Variants in CSMD3 observed in about 807,000 individuals in gnomAD.
The protein encoded by CSMD3 is CUB and Sushi multiple domains 3.
In CSMD3, 177 loss-of-function variants were observed where a neutral mutation model predicts 435.2. The observed-to-expected ratio is 0.41, with a 90% CI of 0.36 to 0.46. The LOEUF (loss-of-function observed/expected upper bound fraction) is 0.46, where lower values mean the gene tolerates loss of function less well. Ranked by LOEUF, CSMD3 falls within the 20% of genes least tolerant of loss-of-function variation. The pLI is 0.34. For synonymous variants in CSMD3, 1,656 were observed against 1,520.5 expected (o/e 1.09, Z -2.07); for missense variants, 4,265 against 4,504.6 (o/e 0.95, Z 1.52).
At chr8:112,314,706 G>A (rs567448942) in intron 47 of CSMD3, 89 bp from the exon 48 acceptor site, 9 of 846,402 alleles carry the variant, frequency 1.1e-5, no homozygotes, top group Admixed American at 7.4e-5. Flanking sequence ...CTGCTTTCAT[G>A]TTCAATAGCT....
chr8:112,958,541 C>T (rs1003982836), intron 7 of CSMD3, among the ~76,000 whole-genome samples: 1 of 152,026 alleles, frequency 6.6e-6, no homozygotes, highest in Non-Finnish European at 1.5e-5. Context: ...TCCAGGTTGT[C>T]CGTTGTCTTC....
chr8:113,436,532 G>T (rs886082148), intron 1 of CSMD3, 145 bp downstream of exon 1: 1 of 824,464 alleles, frequency 1.2e-6, no homozygotes, highest in East Asian at 2.4e-5. Context: ...TATCTGAGGG[G>T]GGGAGAACGA....
intron 10 of CSMD3, among the ~76,000 whole-genome samples, chr8:112,885,596 G>A (rs937766725): frequency 6.6e-6 from 1 of 151,690 alleles, no homozygotes; most frequent in African/African-American, 2.4e-5. Flanking sequence ...TCTGAGGCCA[G>A]AGTCTAAGCT....
intron 3 of CSMD3, among the ~76,000 whole-genome samples, chr8:113,239,121 T>C (rs1466141170): frequency 3.3e-5 from 5 of 152,100 alleles, no homozygotes; most frequent in African/African-American, 4.8e-5. Context: ...ACGCTTTTCC[T>C]GCCTTTGGAC....
At chr8:112,714,074 A>G (rs2131934782) in intron 13 of CSMD3, among the ~76,000 whole-genome samples, 1 of 152,320 alleles carries the variant, frequency 6.6e-6, no homozygotes, top group South Asian at 2.1e-4. Flanking sequence ...ACATAATAAT[A>G]TTAACCTTAA....
At chr8:113,348,763 A>G (rs138488225) in intron 1 of CSMD3, among the ~76,000 whole-genome samples, 241 of 152,122 alleles carry the variant, frequency 1.6e-3, no homozygotes, top group African/African-American at 5.7e-3. Flanking sequence ...TATTTTTATT[A>G]GGGCTTAGAT....
chr8:113,154,941 C>T (rs1274155202), intron 4 of CSMD3, among the ~76,000 whole-genome samples: 3 of 151,968 alleles, frequency 2.0e-5, no homozygotes, highest in Non-Finnish European at 4.4e-5. Flanking sequence ...ATGATCAGGA[C>T]ATTTTCCTCA....
intron 5 of CSMD3, among the ~76,000 whole-genome samples, chr8:113,020,169 CAAAAAAAAAAA>C (rs1163891165): frequency 1.2e-4 from 10 of 84,636 alleles, no homozygotes; most frequent in Admixed American, 5.4e-4. Flanking sequence ...GACTCCGTCT[CAAAAAAAAAAA>C]AAAAAAAAAA....
chr8:112,947,041 A>T (rs1395755737), intron 9 of CSMD3, among the ~76,000 whole-genome samples: 1 of 151,698 alleles, frequency 6.6e-6, no homozygotes, highest in Admixed American at 6.6e-5. Flanking sequence ...ATTAGCATAA[A>T]TAATTGAAAA....
intron 1 of CSMD3, among the ~76,000 whole-genome samples, chr8:113,345,832 G>C (rs940702592): frequency 6.6e-6 from 1 of 152,062 alleles, no homozygotes; most frequent in Non-Finnish European, 1.5e-5. Context: ...AGGTTATACA[G>C]CTTTAAAATG....
intron 63 of CSMD3, among the ~76,000 whole-genome samples, chr8:112,252,551 G>C (rs1003659428): frequency 1.3e-5 from 2 of 151,548 alleles, no homozygotes; most frequent in African/African-American, 4.8e-5. Context: ...AATGGCTCAA[G>C]ATGCCTTTTG....
In CSMD3 at chr8:112,254,395, C is replaced by G. The variant is rs1320528787; in HGVS notation, c.10037-69G>C. 3 of 1,052,882 alleles carry G rather than the reference C, an allele frequency of 2.8e-6. No homozygotes were observed. The South Asian group carries it at 3.8e-5, about 13-fold the overall frequency. 65.2% of individuals were successfully genotyped at this position (1,052,882 alleles called of 1,614,324 possible). A position where few individuals can be genotyped will look rare whatever the true frequency, so the allele number is the denominator to read the frequency against. ...ATAGATATAGTTCTCTCACAGAAAACAATTTTAAATAATCTGGGGTTTGGT... is the reference window on the plus strand; with the variant it reads ...ATAGATATAGTTCTCTCACAGAAAAGAATTTTAAATAATCTGGGGTTTGGT... On this transcript the variant is annotated intron_variant, in intron 62 of 70. Coordinates refer to ENST00000297405, the MANE Select transcript of CSMD3 (RefSeq NM_198123.2).
intron 1 of CSMD3, among the ~76,000 whole-genome samples, chr8:113,431,133 A>G (rs1210561922): frequency 2.6e-5 from 4 of 152,190 alleles, no homozygotes; most frequent in Admixed American, 6.5e-5. Flanking sequence ...GTATACCTGG[A>G]AATACCGTGA....
At chr8:112,388,591 C>A (rs1168507293) in intron 36 of CSMD3, among the ~76,000 whole-genome samples, 5 of 152,134 alleles carry the variant, frequency 3.3e-5, no homozygotes, top group Admixed American at 3.3e-4. Context: ...TGAGAAAATT[C>A]TATGAAGTCA....
intron 23 of CSMD3, among the ~76,000 whole-genome samples, chr8:112,582,167 G>C (rs907431479): frequency 6.6e-6 from 1 of 151,898 alleles, no homozygotes; most frequent in Non-Finnish European, 1.5e-5. Flanking sequence ...GTTAGTTCAC[G>C]TGAGATCTGC....
chr8:113,279,754 G>A (rs371032203), intron 2 of CSMD3, among the ~76,000 whole-genome samples: 3 of 151,574 alleles, frequency 2.0e-5, no homozygotes, highest in East Asian at 1.9e-4. Context: ...CTTGTAATAC[G>A]TTGTATAATT....
chr8:112,393,326 A>C (rs1434889092), intron 35 of CSMD3, among the ~76,000 whole-genome samples: 1 of 152,072 alleles, frequency 6.6e-6, no homozygotes. Context: ...TATTGCTGTC[A>C]CTTGATTTGT....
At chr8:112,625,295 C>T (rs1834386337) in intron 22 of CSMD3, among the ~76,000 whole-genome samples, 1 of 152,010 alleles carries the variant, frequency 6.6e-6, no homozygotes, top group Non-Finnish European at 1.5e-5. Context: ...AAGCACATTA[C>T]ATCAAGTCAT....
At chr8:112,761,395 C>A (rs2077833746) in intron 13 of CSMD3, among the ~76,000 whole-genome samples, 1 of 152,046 alleles carries the variant, frequency 6.6e-6, no homozygotes, top group Admixed American at 6.6e-5. Context: ...CTAATTTATT[C>A]TTTTAGCTCC....
Sources: gnomAD v4.1 joint callset for allele counts (sites outside exome capture counted in the v4.1 genomes callset) on GRCh38, gnomAD v4.1.1 for gene constraint, MANE v1.5 for transcripts, NCBI Gene and HGNC (gene_info 2026-07-23, HGNC 2026-07-21) for gene names.